The following MIPOL1 variants were observed in gnomAD, a reference collection of about 807,000 sequenced individuals.
The protein encoded by MIPOL1 is mirror-image polydactyly 1.
In MIPOL1, 57 loss-of-function variants were observed where a neutral mutation model predicts 60.9. That is an observed-to-expected ratio of 0.94 (90% CI 0.76 to 1.17). The LOEUF is 1.17. MIPOL1 is among the 50% of genes most tolerant of loss of function. MIPOL1 has a pLI of 0.00. For synonymous variants in MIPOL1, 179 were observed against 168.8 expected (o/e 1.06, Z -0.47); for missense variants, 551 against 511.6 (o/e 1.08, Z -0.74).
intron 9 of MIPOL1, among the ~76,000 whole-genome samples, chr14:37,313,206 T>A (rs1015083818): frequency 1.2e-4 from 19 of 152,166 alleles, no homozygotes; most frequent in Non-Finnish European, 2.1e-4. Context: ...GGGCTAGGCT[T>A]AGAAGCACAA....
intron 12 of MIPOL1, among the ~76,000 whole-genome samples, chr14:37,515,399 A>G (rs985975568): frequency 6.6e-6 from 1 of 151,734 alleles, no homozygotes; most frequent in Non-Finnish European, 1.5e-5. Flanking sequence ...CATGTAAATG[A>G]TATTTTGGAA....
chr14:37,341,197 A>G (rs1325800114), intron 9 of MIPOL1, among the ~76,000 whole-genome samples: 1 of 152,238 alleles, frequency 6.6e-6, no homozygotes, highest in Non-Finnish European at 1.5e-5. Flanking sequence ...TGTGACACAG[A>G]CACACCCAAT....
At chr14:37,204,151 A>G (rs1663779473) in intron 1 of MIPOL1, among the ~76,000 whole-genome samples, 1 of 151,956 alleles carries the variant, frequency 6.6e-6, no homozygotes, top group South Asian at 2.1e-4. Flanking sequence ...CCTGTTGAAC[A>G]TTGAGATGAC....
intron 10 of MIPOL1, among the ~76,000 whole-genome samples, chr14:37,371,964 C>A (rs948673068): frequency 6.6e-6 from 1 of 152,052 alleles, no homozygotes; most frequent in African/African-American, 2.4e-5. Flanking sequence ...TTGTAAGTAT[C>A]ATTTTTTGGT....
chr14:37,269,697 G>A (rs1471856193), intron 5 of MIPOL1, among the ~76,000 whole-genome samples: 4 of 152,084 alleles, frequency 2.6e-5, no homozygotes, highest in Non-Finnish European at 5.9e-5. Context: ...TCTTAATTTT[G>A]TTTCAGAATA....
At chr14:37,222,240 G>C (rs569206184) in intron 1 of MIPOL1, among the ~76,000 whole-genome samples, 3 of 149,050 alleles carry the variant, frequency 2.0e-5, no homozygotes, top group East Asian at 3.9e-4. Context: ...TTTTTTTTGA[G>C]ATTGGGTCTC....
chr14:37,297,351 C>G (rs1035423559), intron 7 of MIPOL1, among the ~76,000 whole-genome samples: 4 of 152,166 alleles, frequency 2.6e-5, no homozygotes, highest in Non-Finnish European at 5.9e-5. Flanking sequence ...CAGTATCATA[C>G]TGAATGAACA....
At chr14:37,348,304 A>G (rs1262678914) in intron 9 of MIPOL1, among the ~76,000 whole-genome samples, 1 of 152,224 alleles carries the variant, frequency 6.6e-6, no homozygotes, top group Non-Finnish European at 1.5e-5. Context: ...GCCTGGAAGG[A>G]AAACTAGATG....
Position 37,270,490 on chromosome 14 carries a change from A to G in MIPOL1, c.458A>G (p.Lys153Arg). ...KLKFKLELQEKETEAKIAEKT... is the reference protein window; with the variant it reads ...KLKFKLELQERETEAKIAEKT... ...AAGTTTAAGCTGGAACTCCAAGAGAAAGAAACAGAAGCTAAAATTGCTGAA... is the reference window on the plus strand; with the variant it reads ...AAGTTTAAGCTGGAACTCCAAGAGAGAGAAACAGAAGCTAAAATTGCTGAA... Residue 153 changes from lysine to arginine, a missense_variant, in exon 6 of 13, where the codon AAA becomes AGA. By Grantham distance (26) the Lys-to-Arg change is conservative. Transcript: ENST00000684589. The G allele has an allele frequency of 6.2e-7, 1 of 1,601,214 alleles. No individual in the cohort carries two copies. The highest frequency in any genetic ancestry group is 8.5e-7 in the Non-Finnish European group (1 of 1,173,562).
In MIPOL1 at chr14:37,338,680, A is replaced by G. The variant is rs146120629; in HGVS notation, c.828+30161A>G. Among the ~76,000 whole-genome samples, 773 of 152,244 alleles carry G rather than the reference A, an allele frequency of 5.1e-3. 5 individuals are homozygous for G. The highest frequency in any genetic ancestry group is 0.017 in the African/African-American group (726 of 41,540). Reference sequence around the variant, plus strand: ...TGCCTCAGCCTCCAAAAGTGCTGGAATTACAGATGTGAGCCACCATGCCCA... The same window carrying G: ...TGCCTCAGCCTCCAAAAGTGCTGGAGTTACAGATGTGAGCCACCATGCCCA... On this transcript the variant is annotated intron_variant, in intron 9 of 12. Coordinates refer to ENST00000684589, the MANE Select transcript of MIPOL1 (RefSeq NM_001388067.1).
chr14:37,288,004 T>C (rs2084725365), intron 7 of MIPOL1, among the ~76,000 whole-genome samples: 1 of 152,110 alleles, frequency 6.6e-6, no homozygotes, highest in Non-Finnish European at 1.5e-5. Flanking sequence ...AAAGAAGAAG[T>C]TGAAGTAAAA....
chr14:37,474,518 G>T (rs2094739330), intron 11 of MIPOL1, among the ~76,000 whole-genome samples: 1 of 152,160 alleles, frequency 6.6e-6, no homozygotes, highest in Admixed American at 6.5e-5. Context: ...CTGCCACCAT[G>T]TAAGACATGC....
chr14:37,515,367 A>G (rs1417027088), intron 12 of MIPOL1, among the ~76,000 whole-genome samples: 4 of 151,742 alleles, frequency 2.6e-5, no homozygotes, highest in African/African-American at 9.7e-5. Flanking sequence ...AAAAGTGACA[A>G]AAAAAAAGAT....
At chr14:37,433,991 A>G (rs546619080) in intron 11 of MIPOL1, among the ~76,000 whole-genome samples, 115 of 152,322 alleles carry the variant, frequency 7.5e-4, no homozygotes, top group African/African-American at 2.7e-3. Context: ...CGCAATAAAC[A>G]TACGTGTGCA....
intron 10 of MIPOL1, among the ~76,000 whole-genome samples, chr14:37,380,098 G>A (rs186793449): frequency 1.8e-4 from 28 of 152,214 alleles, no homozygotes; most frequent in Admixed American, 1.8e-3. Context: ...AAATGATCAT[G>A]AAGTAGGCCT....
chr14:37,431,937 C>T (rs190760164), intron 11 of MIPOL1, among the ~76,000 whole-genome samples: 2 of 152,168 alleles, frequency 1.3e-5, no homozygotes, highest in African/African-American at 4.8e-5. Flanking sequence ...CAGTTTCATT[C>T]ATATTTGTGT....
chr14:37,296,400 G>A (rs986275850), intron 7 of MIPOL1, among the ~76,000 whole-genome samples: 36 of 152,166 alleles, frequency 2.4e-4, no homozygotes, highest in Admixed American at 3.3e-4. Flanking sequence ...AAGAACTAGA[G>A]AAGCAAGAGC....
intron 1 of MIPOL1, among the ~76,000 whole-genome samples, chr14:37,233,923 T>C (rs1687417911): frequency 1.3e-5 from 2 of 152,228 alleles, no homozygotes; most frequent in Non-Finnish European, 2.9e-5. Flanking sequence ...AGTCCACTTT[T>C]GCTTTGACTG....
At chr14:37,510,160 A>G (rs964156618) in intron 12 of MIPOL1, among the ~76,000 whole-genome samples, 5 of 152,096 alleles carry the variant, frequency 3.3e-5, no homozygotes, top group African/African-American at 1.2e-4. Flanking sequence ...TATAAACTAC[A>G]TGTATATAGA....
Sources: allele counts gnomAD v4.1 joint callset (sites outside exome capture counted in the v4.1 genomes callset), GRCh38; gene constraint gnomAD v4.1.1; transcripts MANE v1.5; gene names NCBI Gene and HGNC (gene_info 2026-07-23, HGNC 2026-07-21).